The following DNAH8 variants were observed in gnomAD, a reference collection of about 807,000 sequenced individuals.
DNAH8 encodes the protein axonemal beta dynein heavy chain 8.
DNAH8 carries 382 observed loss-of-function variants against 562.1 expected under a neutral mutation model. The ratio of observed to expected loss-of-function variants is 0.68; its 90% CI spans 0.63 to 0.74. DNAH8 has a LOEUF of 0.74. Ranked by LOEUF, DNAH8 falls within the 30% of genes least tolerant of loss-of-function variation. The pLI is 0.00. For missense variants in DNAH8, 5,203 were observed against 5,620.4 expected (o/e 0.93, Z 2.37); for synonymous variants, 1,881 against 1,919.4 (o/e 0.98, Z 0.52).
Position 38,756,082 on chromosome 6 carries a change from A to G in DNAH8, c.1515+3A>G, listed in dbSNP as rs1765881145. 3 of 1,530,558 alleles carry G rather than the reference A, an allele frequency of 2.0e-6. No individual in the cohort carries two copies. The highest frequency in any genetic ancestry group is 2.7e-6 in the Non-Finnish European group (3 of 1,104,790). 94.8% of individuals were successfully genotyped at this position (1,530,558 alleles called of 1,614,324 possible). On this transcript the variant is annotated splice_donor_region_variant and intron_variant, in intron 10 of 92. Transcript: ENST00000327475. Reference sequence around the variant, plus strand: ...GAATGACCTCATTGTTTATCAAGGTAAGTTTCTGTGGGAGGAAATTACATG... The same window carrying G: ...GAATGACCTCATTGTTTATCAAGGTGAGTTTCTGTGGGAGGAAATTACATG...
At chr6:38,792,352 G>A (rs1160400724) in intron 21 of DNAH8, among the ~76,000 whole-genome samples, 1 of 152,162 alleles carries the variant, frequency 6.6e-6, no homozygotes, top group Non-Finnish European at 1.5e-5. Context: ...CTCCCAAAGT[G>A]CTGGGATTAC....
intron 4 of DNAH8, 147 bp from the exon 5 acceptor site, chr6:38,734,327 C>CCG (rs201921520): frequency 9.2e-5 from 15 of 162,716 alleles, no homozygotes; most frequent in Middle Eastern, 1.9e-3. Flanking sequence ...TTCTAGTAGA[C>CCG]CCCCCCCCAA....
chr6:38,846,657 T>C (rs1775322685), intron 36 of DNAH8, among the ~76,000 whole-genome samples: 1 of 152,142 alleles, frequency 6.6e-6, no homozygotes, highest in African/African-American at 2.4e-5. Flanking sequence ...CTGGCAAAGA[T>C]GACCATAGGA....
At chr6:39,008,366 T>C (rs751317346) in intron 88 of DNAH8, among the ~76,000 whole-genome samples, 44 of 151,640 alleles carry the variant, frequency 2.9e-4, no homozygotes, top group Non-Finnish European at 2.2e-4. Flanking sequence ...AAGACGAAAA[T>C]ATTTTAATAG....
At chr6:38,909,458 TC>T (rs1436019146) in intron 64 of DNAH8, 59 bp from the exon 65 acceptor site, 15 of 1,509,362 alleles carry the variant, frequency 9.9e-6, no homozygotes, top group African/African-American at 8.3e-5. Context: ...CGTAAATCTC[TC>T]TCTGGCTGAC....
intron 9 of DNAH8, among the ~76,000 whole-genome samples, chr6:38,751,438 GTACTATGTGGGTGAGCA>G (rs1452006832): frequency 6.6e-6 from 1 of 152,156 alleles, no homozygotes; most frequent in African/African-American, 2.4e-5. Flanking sequence ...AAGGGTGTGA[GTACTATGTGGGTGAGCA>G]TCACTGGGGC....
At chr6:38,934,666 G>T (rs1782811520) in intron 76 of DNAH8, among the ~76,000 whole-genome samples, 1 of 152,154 alleles carries the variant, frequency 6.6e-6, no homozygotes, top group Non-Finnish European at 1.5e-5. Flanking sequence ...TCTGTGTTTA[G>T]TGAGAGTATC....
chr6:38,995,569 A>G (rs55643263), intron 88 of DNAH8, among the ~76,000 whole-genome samples: 1,933 of 152,294 alleles, frequency 0.013, 46 homozygotes, highest in African/African-American at 0.041. Context: ...ACTGCAGTCA[A>G]TATTTTGTCA....
intron 21 of DNAH8, among the ~76,000 whole-genome samples, chr6:38,800,929 T>C (rs1038135558): frequency 6.6e-6 from 1 of 152,238 alleles, no homozygotes; most frequent in East Asian, 1.9e-4. Context: ...GTTGTAATAA[T>C]GTTTTATAGA....
intron 21 of DNAH8, among the ~76,000 whole-genome samples, chr6:38,798,248 C>G (rs1258795442): frequency 6.6e-6 from 1 of 152,098 alleles, no homozygotes; most frequent in Non-Finnish European, 1.5e-5. Flanking sequence ...TGTGAATATA[C>G]TAAAAACCAG....
chr6:38,778,321 A>G (rs186944636), intron 13 of DNAH8, 67 bp from the exon 14 acceptor site: 30 of 815,886 alleles, frequency 3.7e-5, no homozygotes, highest in Middle Eastern at 3.6e-4. Flanking sequence ...AAAAGCATTA[A>G]CTGTTGTTAA....
In DNAH8 at chr6:38,741,843, G is replaced by A. The variant is rs753004781; in HGVS notation, c.1249G>A (p.Ala417Thr). 6.2e-7 allele frequency: 1 copy of A among 1,614,022 alleles called. No individual in the cohort carries two copies. The highest frequency in any genetic ancestry group is 1.7e-5 in the Admixed American group (1 of 60,012). ...GCAGATTAAAGGGCCAAGTTGTAAG[G>A]CTGTCATAAATGTGCTAAATGTTGC... Reference protein sequence around the residue: ...IEQIKGPSCKAVINVLNVAHS... With the variant: ...IEQIKGPSCKTVINVLNVAHS... Residue 417 changes from alanine to threonine, a missense_variant, in exon 8 of 93, where the codon GCT becomes ACT. Ala to Thr is a moderately conservative substitution (Grantham distance 58, BLOSUM62 0). Around this residue, in one of 6 missense-constraint regions of DNAH8, gnomAD observed 2,176 missense variants for 2,365.1 expected, o/e 0.92. Transcript: ENST00000327475.
At chr6:38,809,205 CTT>C (rs1771574664) in intron 24 of DNAH8, among the ~76,000 whole-genome samples, 1 of 151,434 alleles carries the variant, frequency 6.6e-6, no homozygotes, top group African/African-American at 2.4e-5. Flanking sequence ...TAACAAATGT[CTT>C]TTGTCAGTTT....
intron 48 of DNAH8, 27 bp from the exon 49 acceptor site, chr6:38,870,374 A>C (rs1225044017): frequency 3.7e-6 from 6 of 1,603,638 alleles, no homozygotes; most frequent in Non-Finnish European, 5.1e-6. Flanking sequence ...TGAATGAGTA[A>C]ATTTATTTTA....
intron 71 of DNAH8, 98 bp downstream of exon 71, chr6:38,921,604 A>G (rs1462629063): frequency 2.2e-5 from 30 of 1,369,616 alleles, no homozygotes; most frequent in Admixed American, 1.5e-4. Flanking sequence ...TGATGAAAAA[A>G]TATTGGCCAG....
At chr6:38,960,883 C>A (rs1010187439) in intron 82 of DNAH8, among the ~76,000 whole-genome samples, 5 of 151,788 alleles carry the variant, frequency 3.3e-5, no homozygotes, top group African/African-American at 9.7e-5. Flanking sequence ...TATCTGTACT[C>A]CCGTGTTTAC....
intron 24 of DNAH8, 141 bp from the exon 25 acceptor site, chr6:38,813,913 T>C: frequency 1.5e-6 from 1 of 683,668 alleles, no homozygotes; most frequent in Admixed American, 2.8e-5. Context: ...AATTTAGGGT[T>C]CTGTTATAAG....
intron 75 of DNAH8, 39 bp downstream of exon 75, chr6:38,929,705 GAAAA>G (rs1782402322): frequency 1.4e-6 from 2 of 1,391,806 alleles, no homozygotes; most frequent in African/African-American, 3.2e-5. Context: ...AAGAAAGAAA[GAAAA>G]GAAAAAGAAA....
intron 88 of DNAH8, among the ~76,000 whole-genome samples, chr6:39,000,616 C>T (rs1429673563): frequency 1.3e-5 from 2 of 152,300 alleles, no homozygotes; most frequent in Admixed American, 1.3e-4. Context: ...CACTGTCTTC[C>T]ATCACCCCCA....
Sources: gnomAD v4.1 joint callset for allele counts (sites outside exome capture counted in the v4.1 genomes callset) on GRCh38, gnomAD v4.1.1 for gene constraint, gnomAD v4.1.1 regional missense constraint, MANE v1.5 for transcripts, NCBI Gene and HGNC (gene_info 2026-07-23, HGNC 2026-07-21) for gene names.